SUPT3H: variants seen among roughly 807,000 people sequenced by gnomAD.
SUPT3H encodes transcription initiation protein SPT3 homolog.
In SUPT3H, 44 loss-of-function variants were observed where a neutral mutation model predicts 44.3. The observed-to-expected ratio is 0.99, with a 90% CI of 0.78 to 1.28. SUPT3H has a LOEUF of 1.28. Ranked by LOEUF, SUPT3H falls within the 50% of genes most tolerant of loss-of-function variation. The probability of loss-of-function intolerance (pLI) is 0.00; values close to 1 mark genes in which losing one functional copy is unlikely to be tolerated. For missense variants in SUPT3H, 380 were observed against 387.1 expected, an observed-to-expected ratio of 0.98 and a Z score of 0.15; for synonymous variants, 124 against 125.6, an observed-to-expected ratio of 0.99 and a Z score of 0.09.
chr6:44,809,252 C>A (rs185667947), downstream of SUPT3H: 1 of 152,188 alleles, frequency 6.6e-6, no homozygotes, highest in Non-Finnish European at 1.5e-5. Flanking sequence ...TGTGTGATAC[C>A]CCGCTTAAAA....
At chr6:44,902,796 C>G (rs1377313641) in intron 10 of SUPT3H, among the ~76,000 whole-genome samples, 1 of 152,148 alleles carries the variant, frequency 6.6e-6, no homozygotes, top group African/African-American at 2.4e-5. Context: ...CACTCCTCAG[C>G]AAATGCAAAA....
chr6:45,185,403 C>CA (rs1246336679), intron 2 of SUPT3H, among the ~76,000 whole-genome samples: 3 of 152,084 alleles, frequency 2.0e-5, no homozygotes, highest in Non-Finnish European at 4.4e-5. Context: ...TACCCAGAAG[C>CA]AAAGAGACTT....
intron 2 of SUPT3H, among the ~76,000 whole-genome samples, chr6:45,213,540 AG>A (rs1764478217): frequency 6.6e-6 from 1 of 152,170 alleles, no homozygotes; most frequent in African/African-American, 2.4e-5. Context: ...AATATGTTGG[AG>A]AAACAAATAT....
intron 2 of SUPT3H, among the ~76,000 whole-genome samples, chr6:45,306,829 G>A (rs1488976090): frequency 6.6e-6 from 1 of 152,208 alleles, no homozygotes; most frequent in Non-Finnish European, 1.5e-5. Flanking sequence ...AGCCAAAGCA[G>A]GGCGAGGCAT....
chr6:44,860,766 G>T (rs1414889256), intron 10 of SUPT3H, among the ~76,000 whole-genome samples: 1 of 152,044 alleles, frequency 6.6e-6, no homozygotes, highest in East Asian at 1.9e-4. Flanking sequence ...AAAAAGCAAA[G>T]AAACTATATG....
chr6:45,162,594 T>A (rs1809193885), intron 2 of SUPT3H, among the ~76,000 whole-genome samples: 1 of 152,124 alleles, frequency 6.6e-6, no homozygotes, highest in African/African-American at 2.4e-5. Flanking sequence ...TAAAACTCCC[T>A]ATTTAAGGCC....
At chr6:44,958,678 G>A (rs1394190203) in intron 7 of SUPT3H, among the ~76,000 whole-genome samples, 1 of 151,938 alleles carries the variant, frequency 6.6e-6, no homozygotes, top group African/African-American at 2.4e-5. Flanking sequence ...AACAACAGGG[G>A]CCAAAAGACA....
chr6:45,211,703 G>T (rs1764106591), intron 2 of SUPT3H, among the ~76,000 whole-genome samples: 1 of 152,076 alleles, frequency 6.6e-6, no homozygotes, highest in African/African-American at 2.4e-5. Context: ...ATAAAAATTA[G>T]GGGGGCGTGG....
At chr6:45,279,933 T>C (rs1303088134) in intron 2 of SUPT3H, among the ~76,000 whole-genome samples, 2 of 152,162 alleles carry the variant, frequency 1.3e-5, no homozygotes, top group Non-Finnish European at 2.9e-5. Context: ...CCTGCTCTAC[T>C]TGCACTCCAT....
intron 10 of SUPT3H, among the ~76,000 whole-genome samples, chr6:44,919,054 G>A (rs1319733602): frequency 2.6e-5 from 4 of 152,298 alleles, no homozygotes; most frequent in African/African-American, 9.6e-5. Context: ...CAATCAGTAA[G>A]GCTGGATTTC....
chr6:45,100,541 T>TAAAAAAAAAAAAAAAAAAAAAA (rs58120512), intron 3 of SUPT3H, among the ~76,000 whole-genome samples: 9 of 33,454 alleles, frequency 2.7e-4, no homozygotes, highest in Admixed American at 4.4e-4. Context: ...ACCCTGTACT[T>TAAAAAAAAAAAAAAAAAAAAAA]AAAAAAAAAA....
In SUPT3H at chr6:44,949,434, C is replaced by CA. The variant is rs148781059; in HGVS notation, c.801+3875dup. On this transcript the variant is annotated intron_variant, in intron 9 of 10. Coordinates refer to ENST00000371459, the MANE Select transcript of SUPT3H (RefSeq NM_003599.4). ...TAAATAAATGCAAGCGGAATATTGT[C>CA]AAAAAAAAGAAAAAAAAGAAAAAAA... 0.012 allele frequency among the ~76,000 whole-genome samples: 1,731 copies of CA among 148,888 alleles called. 105 individuals carry two copies. The East Asian group carries it at 0.14, about 12-fold the overall frequency.
intron 2 of SUPT3H, among the ~76,000 whole-genome samples, chr6:45,245,191 G>C (rs1771126229): frequency 6.6e-6 from 1 of 151,720 alleles, no homozygotes; most frequent in Non-Finnish European, 1.5e-5. Context: ...GGTTAATCTG[G>C]GAATTTAAGT....
chr6:44,949,309 T>C (rs1267178892), intron 9 of SUPT3H, among the ~76,000 whole-genome samples: 1 of 151,848 alleles, frequency 6.6e-6, no homozygotes, highest in Non-Finnish European at 1.5e-5. Context: ...TTAATGGGTG[T>C]AGCACACCAA....
chr6:44,813,371 C>G (rs1039166907), intron 11 of SUPT3H, among the ~76,000 whole-genome samples: 1 of 152,002 alleles, frequency 6.6e-6, no homozygotes, highest in East Asian at 1.9e-4. Context: ...ATTTTTGTAG[C>G]GATGGGGTCT....
intron 3 of SUPT3H, among the ~76,000 whole-genome samples, chr6:45,057,563 C>T (rs116978422): frequency 6.6e-6 from 1 of 152,222 alleles, no homozygotes; most frequent in East Asian, 1.9e-4. Context: ...AAGCTTTAGG[C>T]TTCTACCTTG....
At chr6:45,302,757 T>A (rs1456653518) in intron 2 of SUPT3H, among the ~76,000 whole-genome samples, 2 of 152,000 alleles carry the variant, frequency 1.3e-5, no homozygotes, top group African/African-American at 2.4e-5. Context: ...CTTTAAGGAA[T>A]CTCCACACTG....
At chr6:45,354,486 C>T (rs6458440) in intron 2 of SUPT3H, among the ~76,000 whole-genome samples, 22,839 of 151,948 alleles carry the variant, frequency 0.15, 1,963 homozygotes, top group East Asian at 0.26. Context: ...CTTTTTTGCT[C>T]ATCTGTGTGA....
chr6:44,983,325 A>G (rs935132616), intron 6 of SUPT3H, among the ~76,000 whole-genome samples: 1 of 152,182 alleles, frequency 6.6e-6, no homozygotes, highest in African/African-American at 2.4e-5. Flanking sequence ...ATAAGGAGAT[A>G]AAGTGAGCCT....
Sources: allele counts gnomAD v4.1 joint callset (sites outside exome capture counted in the v4.1 genomes callset), GRCh38; gene constraint gnomAD v4.1.1; transcripts MANE v1.5; gene names NCBI Gene and HGNC (gene_info 2026-07-23, HGNC 2026-07-21).